The following TVP23C variants were observed in gnomAD, a reference collection of about 807,000 sequenced individuals.
The protein encoded by TVP23C is Golgi apparatus membrane protein TVP23 homolog C.
In TVP23C, 19 loss-of-function variants were observed where a neutral mutation model predicts 28.7. That is an observed-to-expected ratio of 0.66 (90% confidence interval 0.46 to 0.97). The LOEUF (loss-of-function observed/expected upper bound fraction) is 0.97. Among genes scored for constraint, TVP23C ranks in the 50% least tolerant of loss-of-function variants. The pLI is 0.00. For synonymous variants in TVP23C, 68 were observed against 81.7 expected, an observed-to-expected ratio of 0.83 and a Z score of 0.90; for missense variants, 186 against 241.3, an observed-to-expected ratio of 0.77 and a Z score of 1.52.
In TVP23C at chr17:15,537,785, A is replaced by C. The variant is rs1983216998; in HGVS notation, c.*2627T>G. ...AACATCCTCCTATGTTCTATGGATC[A>C]AAATGCAAAGGTCTCCATTATCTGT... On this transcript the variant is annotated 3_prime_UTR_variant, in exon 6 of 6. Coordinates refer to ENST00000518321, the MANE Select transcript of TVP23C (RefSeq NM_001135036.2). 1.8e-6 allele frequency: 2 copies of C among 1,082,894 alleles called. No homozygotes were observed. The highest frequency in any genetic ancestry group is 3.3e-5 in the African/African-American group (2 of 60,476). 67.1% of individuals were successfully genotyped at this position (1,082,894 alleles called of 1,614,324 possible).
At chr17:15,520,344 T>C (rs1982420508) in intron 5 of TVP23C, among the ~76,000 whole-genome samples, 1 of 148,936 alleles carries the variant, frequency 6.7e-6, no homozygotes, top group Non-Finnish European at 1.5e-5. Flanking sequence ...ATTTTCCAGA[T>C]GACATGGTTT....
In TVP23C at chr17:15,531,865, G is replaced by A. The variant is rs1982962986; in HGVS notation, c.462+13920C>T. Among the ~76,000 whole-genome samples the A allele has an allele frequency of 2.0e-5, 3 of 152,144 alleles. No homozygotes were observed. The South Asian group carries it at 6.2e-4, about 31-fold the overall frequency. ...AAACTGGAAAATTTAAATAATATAA[G>A]GTGGCAACTCTGCAAATCAGATTTG... is the stretch of plus-strand genomic sequence containing the variant. On this transcript the variant is annotated intron_variant, in intron 5 of 5. Transcript: ENST00000225576.
intron 1 of TVP23C, among the ~76,000 whole-genome samples, chr17:15,559,285 C>T (rs1314640305): frequency 7.3e-6 from 1 of 136,332 alleles, no homozygotes; most frequent in Non-Finnish European, 1.6e-5. Context: ...CTACCAAGTG[C>T]CAGGTACTGC....
At chr17:15,554,202 A>G (rs1984022000) in intron 2 of TVP23C, among the ~76,000 whole-genome samples, 1 of 151,276 alleles carries the variant, frequency 6.6e-6, no homozygotes, top group Admixed American at 6.6e-5. Context: ...TCACTCAGAC[A>G]TTAAGACAAA....
intron 4 of TVP23C, among the ~76,000 whole-genome samples, chr17:15,546,323 C>T (rs987267552): frequency 1.4e-4 from 22 of 151,752 alleles, no homozygotes; most frequent in African/African-American, 4.1e-4. Flanking sequence ...AAAAAAAAAA[C>T]GGAATCAAGG....
At chr17:15,512,719 A>G (rs1025616736) in intron 5 of TVP23C, among the ~76,000 whole-genome samples, 2 of 152,240 alleles carry the variant, frequency 1.3e-5, no homozygotes, top group African/African-American at 4.8e-5. Context: ...TATTACAGAT[A>G]TATAGTTCAG....
rs1162820457 is a variant in TVP23C, at chr17:15,545,890, C to G, written c.357G>C (p.Val119=). The change falls in exon 5 of 6, where the codon GTG becomes GTC. Residue 119 remains valine, a synonymous_variant. Coordinates refer to ENST00000518321, the MANE Select transcript of TVP23C (RefSeq NM_001135036.2). ...AAAAGATTCTTGATTCAGCCTCTGA[C>G]ACAGTTTTATTCTCTTGAGAGGACT... ...RKESSQENKT[V]SEAESRIFWL... 1 of 1,614,072 alleles carries G rather than the reference C, an allele frequency of 6.2e-7. No individual in the cohort carries two copies.
At chr17:15,525,836 G>A (rs1982701964) in intron 5 of TVP23C, among the ~76,000 whole-genome samples, 1 of 152,156 alleles carries the variant, frequency 6.6e-6, no homozygotes, top group South Asian at 2.1e-4. Context: ...TAGGAACCTT[G>A]GATCCATCAT....
At chr17:15,541,685 T>G (rs945998553) in intron 5 of TVP23C, among the ~76,000 whole-genome samples, 6 of 152,240 alleles carry the variant, frequency 3.9e-5, no homozygotes, top group African/African-American at 1.4e-4. Context: ...ACATTCCTAG[T>G]AAAAGAAGAG....
chr17:15,556,062 G>A (rs770895638), intron 1 of TVP23C, among the ~76,000 whole-genome samples: 30 of 151,998 alleles, frequency 2.0e-4, no homozygotes, highest in Non-Finnish European at 3.1e-4. Context: ...GATTACAGGC[G>A]TGTGCCACCA....
At chr17:15,506,765 C>A (rs1439790643) in intron 5 of TVP23C, 3 of 356,808 alleles carry the variant, frequency 8.4e-6, no homozygotes, top group African/African-American at 4.7e-5. Flanking sequence ...GAACAAACTC[C>A]AGACGCGCCA....
chr17:15,535,885 A>G (rs926290806), downstream of TVP23C, among the ~76,000 whole-genome samples: 1 of 152,170 alleles, frequency 6.6e-6, no homozygotes, highest in African/African-American at 2.4e-5. Context: ...TCCTCCCTTC[A>G]CTTTTATTAA....
chr17:15,504,181 G>T (rs1448452809), intron 5 of TVP23C, among the ~76,000 whole-genome samples: 1 of 152,170 alleles, frequency 6.6e-6, no homozygotes, highest in Non-Finnish European at 1.5e-5. Flanking sequence ...AGGAGCCTAG[G>T]CCTGAATAAT....
intron 5 of TVP23C, among the ~76,000 whole-genome samples, chr17:15,544,814 G>T (rs1022793277): frequency 2.0e-5 from 3 of 152,038 alleles, no homozygotes; most frequent in African/African-American, 7.2e-5. Context: ...AGGAAAGTAT[G>T]AATGTATGAG....
exon 6 of TVP23C, chr17:15,503,049 T>C (rs1981551193): frequency 7.4e-6 from 12 of 1,613,808 alleles, no homozygotes; most frequent in Non-Finnish European, 9.3e-6. Flanking sequence ...GGCGCAGGTT[T>C]CCAGTAAAGA....
chr17:15,536,286 G>A (rs762930857), downstream of TVP23C, among the ~76,000 whole-genome samples: 17 of 152,094 alleles, frequency 1.1e-4, no homozygotes, highest in Non-Finnish European at 2.2e-4. Context: ...TTCACAAAAC[G>A]AAGCCTTTAT....
rs1191530242 is a variant in TVP23C at position 15,520,022 on chromosome 17, T to A, written c.463-16790A>T. Among the ~76,000 whole-genome samples, 4 of 151,880 alleles carry A rather than the reference T, an allele frequency of 2.6e-5. No homozygotes were observed. The East Asian group carries it at 5.8e-4, about 22-fold the overall frequency. ...AAGGGACCCTGGATGCCATTTAGCT[T>A]GGTCACTTGCCACTACAGAAGCTCC... On this transcript the variant is annotated intron_variant, in intron 5 of 5. Transcript: ENST00000225576.
intron 2 of TVP23C, among the ~76,000 whole-genome samples, chr17:15,555,051 A>G (rs1984068305): frequency 6.6e-6 from 1 of 152,264 alleles, no homozygotes; most frequent in African/African-American, 2.4e-5. Context: ...TTAAAAACAC[A>G]GGTGTTCAAA....
At chr17:15,510,994 C>T (rs2150828959) in intron 5 of TVP23C, among the ~76,000 whole-genome samples, 1 of 134,624 alleles carries the variant, frequency 7.4e-6, no homozygotes, top group Middle Eastern at 5.6e-3. Context: ...GCAGAGGTTG[C>T]AGTAAGCTGA....
Sources: allele counts gnomAD v4.1 joint callset (sites outside exome capture counted in the v4.1 genomes callset), GRCh38; gene constraint gnomAD v4.1.1; transcripts MANE v1.5; gene names NCBI Gene and HGNC (gene_info 2026-07-23, HGNC 2026-07-21).